PSG9: variants seen among roughly 807,000 people sequenced by gnomAD.
PSG9 encodes the protein pregnancy-specific beta-1-glycoprotein 9.
Under a neutral mutation model 41.9 loss-of-function variants are expected in PSG9, and 49 were observed. The ratio of observed to expected loss-of-function variants is 1.17; its 90% confidence interval spans 0.93 to 1.48. The LOEUF (loss-of-function observed/expected upper bound fraction) is 1.48. PSG9 is among the 40% of genes most tolerant of loss of function. PSG9 has a pLI of 0.00. For missense variants in PSG9, 641 were observed against 520.3 expected, an observed-to-expected ratio of 1.23 and a Z score of -2.26; for synonymous variants, 263 against 196.8, an observed-to-expected ratio of 1.34 and a Z score of -2.82.
chr19:43,262,050 A>G lies in PSG9; in HGVS notation c.519T>C (p.Thr173=), dbSNP rs146712977. 908 of 1,613,974 alleles carry G rather than the reference A, an allele frequency of 5.6e-4. 8 individuals carry two copies. The highest frequency in any genetic ancestry group is 9.5e-4 in the Admixed American group (57 of 60,020). ...TCCACCATAGGTAGCTTGCGTCCAG[A>G]GTCTCAGGATCACAGATTAAGCGCA... ...EAVRLICDPE[T]LDASYLWWMN... Residue 173 remains threonine (T), a synonymous_variant, in exon 3 of 6, where the codon ACT becomes ACC. Coordinates refer to ENST00000270077, the MANE Select transcript of PSG9 (RefSeq NM_002784.5).
chr19:43,266,005 A>G (rs8109580), intron 2 of PSG9, among the ~76,000 whole-genome samples: 76,569 of 150,900 alleles, frequency 0.51, 21,503 homozygotes, highest in East Asian at 0.95. Context: ...GTTAGAGGGA[A>G]TGTCTGGGGA....
chr19:43,268,431 C>T (rs1337299602), intron 1 of PSG9, among the ~76,000 whole-genome samples: 1 of 152,040 alleles, frequency 6.6e-6, no homozygotes, highest in Non-Finnish European at 1.5e-5. Flanking sequence ...CCCAGGGGTC[C>T]ACACGGCCCC....
intron 2 of PSG9, among the ~76,000 whole-genome samples, chr19:43,266,516 C>G (rs1359031079): frequency 6.6e-6 from 1 of 151,966 alleles, no homozygotes; most frequent in African/African-American, 2.4e-5. Flanking sequence ...CCTCTCATGA[C>G]AGTGACATGG....
chr19:43,263,457 G>T (rs1216271787), intron 2 of PSG9, among the ~76,000 whole-genome samples: 1 of 151,996 alleles, frequency 6.6e-6, no homozygotes, highest in Non-Finnish European at 1.5e-5. Context: ...TCACATCAGT[G>T]GTCAGAAGTG....
chr19:43,262,827 G>A (rs1243761844), intron 2 of PSG9, among the ~76,000 whole-genome samples: 1 of 152,156 alleles, frequency 6.6e-6, no homozygotes. Flanking sequence ...GAGTGAAGGG[G>A]CCAGGCAGTA....
At chr19:43,259,295 A>C in intron 3 of PSG9, 160 bp from the exon 4 acceptor site, 1 of 1,303,756 alleles carries the variant, frequency 7.7e-7, no homozygotes, top group Non-Finnish European at 1.0e-6. Flanking sequence ...TGATGATCTA[A>C]GGGCTCAAAG....
At chr19:43,269,248 C>A in intron 1 of PSG9, 120 bp downstream of exon 1, 2 of 1,531,846 alleles carry the variant, frequency 1.3e-6, no homozygotes, top group Non-Finnish European at 1.8e-6. Context: ...TCGTGATCCA[C>A]CCACCTCAGC....
At chr19:43,269,292 C>T in intron 1 of PSG9, 76 bp downstream of exon 1, 1 of 1,607,728 alleles carries the variant, frequency 6.2e-7, no homozygotes, top group Non-Finnish European at 8.5e-7. Context: ...ATTTTACAAC[C>T]CCATCCTCTC....
intron 2 of PSG9, among the ~76,000 whole-genome samples, chr19:43,264,951 G>C (rs1302259646): frequency 6.6e-6 from 1 of 152,092 alleles, no homozygotes; most frequent in African/African-American, 2.4e-5. Flanking sequence ...GAGTCCATGT[G>C]CTTTGGGGAC....
chr19:43,268,689 C>A (rs796215333), intron 1 of PSG9, among the ~76,000 whole-genome samples: 3 of 152,296 alleles, frequency 2.0e-5, no homozygotes, highest in East Asian at 3.9e-4. Context: ...CTGGGACAGG[C>A]TGCAGACTCC....
At position 43,269,432 on chromosome 19, in the gene PSG9, G is replaced by C; in HGVS notation, c.-1C>G. On this transcript the variant is annotated 5_prime_UTR_variant, in exon 1 of 6. Transcript: ENST00000270077. ...AGGAAGGGGCTGGGAGGGGCCCCAT[G>C]GTCTCTGCTGCCTGTGTGTTCTCCT... is the stretch of plus-strand genomic sequence containing the variant. 6.2e-7 allele frequency: 1 copy of C among 1,613,564 alleles called. No homozygotes were observed. The highest frequency in any genetic ancestry group is 8.5e-7 in the Non-Finnish European group (1 of 1,179,650).
In PSG9 at chr19:43,262,492, C is replaced by T. The variant is rs142598431; in HGVS notation, c.431-354G>A. On this transcript the variant is annotated intron_variant, in intron 2 of 5. Transcript: ENST00000270077. ...TGGTCCTCACTTGGAGCATGCAGTG[C>T]TGGAATCCTCTTAGTTTCAGTCTTA... Among the ~76,000 whole-genome samples, 392 of 152,258 alleles carry T rather than the reference C, an allele frequency of 2.6e-3. 3 individuals are homozygous for T. Among genetic ancestry groups the T allele is most frequent in the African/African-American group, 8.9e-3 (370 of 41,536 alleles).
rs60850122 is a variant in PSG9 at position 43,267,835 on chromosome 19, G to C, written c.379C>G (p.Arg127Gly). The C allele has an allele frequency of 2.1e-5, 34 of 1,613,444 alleles. No individual in the cohort carries two copies. In the South Asian group the frequency reaches 3.6e-4, roughly 17 times the overall value. ...ATTTCTTCTCTAGTCTCATCACCTC[G>C]CTTTATGATGTGTAAGGTGTAGGTT... ...AGTYTLHIIK[R>G]GDETREEIRH... Residue 127 changes from arginine (R) to glycine (G), a missense_variant, in exon 2 of 6, where the codon CGA becomes GGA. By Grantham distance (125) the Arg-to-Gly change is moderately radical. Transcript: ENST00000270077.
At chr19:43,261,646 C>G (rs906545149) in intron 3 of PSG9, among the ~76,000 whole-genome samples, 3 of 152,064 alleles carry the variant, frequency 2.0e-5, no homozygotes, top group Admixed American at 6.5e-5. Context: ...AGCTGTGGAC[C>G]CAGAGTCTCC....
At chr19:43,266,669 G>T (rs566549331) in intron 2 of PSG9, among the ~76,000 whole-genome samples, 92 of 152,204 alleles carry the variant, frequency 6.0e-4, no homozygotes, top group African/African-American at 2.2e-3. Context: ...CTGACCATTT[G>T]CTCTCACTCC....
At chr19:43,259,176 T>C (rs1283956449) in intron 3 of PSG9, 41 bp from the exon 4 acceptor site, 2 of 1,577,376 alleles carry the variant, frequency 1.3e-6, no homozygotes, top group African/African-American at 2.9e-5. Flanking sequence ...GTGTGGCACC[T>C]TTGATTCCTC....
chr19:43,266,735 T>C (rs993775722), intron 2 of PSG9, among the ~76,000 whole-genome samples: 3 of 152,020 alleles, frequency 2.0e-5, no homozygotes, highest in African/African-American at 7.3e-5. Context: ...GACTATGGGG[T>C]CCTTGGAACC....
rs1378181997 is a variant in PSG9 at position 43,262,210 on chromosome 19, A to G, written c.431-72T>C. 10 of 1,560,320 alleles carry G rather than the reference A, an allele frequency of 6.4e-6. No homozygotes were observed. The Admixed American group carries it at 1.1e-4, about 17-fold the overall frequency. On this transcript the variant is annotated intron_variant, in intron 2 of 5. Transcript: ENST00000270077. ...TCCTCCAAAGGCATTTTTCAGTCAG[A>G]GTTGGCATTTCCCACCTCTCAGCCC...
In PSG9 at chr19:43,264,704, G is replaced by A. The variant is rs144212149; in HGVS notation, c.431-2566C>T. Among the ~76,000 whole-genome samples the A allele has an allele frequency of 6.4e-3, 980 of 152,234 alleles. 17 individuals carry two copies. The highest frequency in any genetic ancestry group is 0.023 in the African/African-American group (936 of 41,528). On this transcript the variant is annotated intron_variant, in intron 2 of 5. Transcript: ENST00000270077. Reference sequence around the variant, plus strand: ...CATCTCCTGACCTTGTGCCCGCCTCGGCCTCCCAAAGTGCTGGGATTATAG... The same window carrying A: ...CATCTCCTGACCTTGTGCCCGCCTCAGCCTCCCAAAGTGCTGGGATTATAG...
Sources: allele counts gnomAD v4.1 joint callset (sites outside exome capture counted in the v4.1 genomes callset), GRCh38; gene constraint gnomAD v4.1.1; transcripts MANE v1.5; gene names NCBI Gene and HGNC (gene_info 2026-07-23, HGNC 2026-07-21).